The following FAM184B variants were observed in gnomAD, a reference collection of about 807,000 sequenced individuals.
FAM184B encodes family with sequence similarity 184 member B.
In FAM184B, 111 loss-of-function variants were observed where a neutral mutation model predicts 135.9. The ratio of observed to expected loss-of-function variants is 0.82; its 90% CI spans 0.70 to 0.96. The LOEUF (loss-of-function observed/expected upper bound fraction) is 0.96. FAM184B is among the 40% of genes least tolerant of loss of function. FAM184B has a pLI of 0.00. For synonymous variants in FAM184B, 552 were observed against 524.8 expected (o/e 1.05, Z -0.71); for missense variants, 1,375 against 1,323.9 (o/e 1.04, Z -0.60).
chr4:17,730,991 T>C (rs969158370), intron 1 of FAM184B, among the ~76,000 whole-genome samples: 2 of 152,080 alleles, frequency 1.3e-5, no homozygotes, highest in African/African-American at 2.4e-5. Flanking sequence ...GTATCAGTAA[T>C]GGAAGACGAA....
chr4:17,778,863 A>G (rs1718980350), intron 1 of FAM184B, among the ~76,000 whole-genome samples: 2 of 152,212 alleles, frequency 1.3e-5, no homozygotes, highest in Non-Finnish European at 2.9e-5. Flanking sequence ...TGTCTCTTAA[A>G]CAAACGAACA....
rs188743979 is a variant in FAM184B, at chr4:17,650,487, T to C, written c.2191+2343A>G. Among the ~76,000 whole-genome samples, 241 of 152,292 alleles carry C rather than the reference T, an allele frequency of 1.6e-3. 1 individual carries two copies. The highest frequency in any genetic ancestry group is 2.7e-3 in the Non-Finnish European group (183 of 68,026). On this transcript the variant is annotated intron_variant, in intron 11 of 17. Coordinates refer to ENST00000265018, the MANE Select transcript of FAM184B (RefSeq NM_015688.2). ...CCAGGGTCTTTCCAGGGATCTCTCC[T>C]GATTCTTTTCTTTGGGGAAGAATGG...
rs546160769 is a variant in FAM184B, at chr4:17,726,989, T to C, written c.142-17345A>G. Among the ~76,000 whole-genome samples the C allele has an allele frequency of 1.6e-4, 24 of 152,236 alleles. No homozygotes were observed. The South Asian group carries it at 3.7e-3, about 24-fold the overall frequency. ...GGAGAATGGGGTTGACCTGCCTCAA[T>C]CACATGGAATGAAGACTGAGTCAGG... On this transcript the variant is annotated intron_variant, in intron 1 of 17. Transcript: ENST00000265018.
intron 14 of FAM184B, among the ~76,000 whole-genome samples, chr4:17,637,380 G>A (rs1715175727): frequency 6.6e-6 from 1 of 152,216 alleles, no homozygotes. Context: ...GGTGAGGAGA[G>A]GAGGGCTGGG....
chr4:17,734,895 A>G (rs1194393873), intron 1 of FAM184B, among the ~76,000 whole-genome samples: 1 of 152,138 alleles, frequency 6.6e-6, no homozygotes, highest in Admixed American at 6.5e-5. Context: ...TGTTTACTGC[A>G]GCACTATTCA....
At chr4:17,644,875 C>T (rs1292661389) in intron 12 of FAM184B, among the ~76,000 whole-genome samples, 1 of 152,236 alleles carries the variant, frequency 6.6e-6, no homozygotes, top group Non-Finnish European at 1.5e-5. Context: ...TGATAAGCAA[C>T]TTCAGCAAAG....
At chr4:17,773,193 G>C (rs1389538184) in intron 1 of FAM184B, among the ~76,000 whole-genome samples, 2 of 152,130 alleles carry the variant, frequency 1.3e-5, no homozygotes, top group Non-Finnish European at 2.9e-5. Context: ...CTCAATTAGA[G>C]ATGGTTCTTC....
chr4:17,728,617 G>A (rs1327075290), intron 1 of FAM184B, among the ~76,000 whole-genome samples: 3 of 152,190 alleles, frequency 2.0e-5, no homozygotes, highest in Non-Finnish European at 2.9e-5. Context: ...CTAAGGGGCA[G>A]TAGGAAGGAA....
chr4:17,777,193 T>C (rs1416658259), intron 1 of FAM184B, among the ~76,000 whole-genome samples: 1 of 152,204 alleles, frequency 6.6e-6, no homozygotes, highest in East Asian at 1.9e-4. Flanking sequence ...AACGAATTAA[T>C]GATATGTGTT....
intron 2 of FAM184B, among the ~76,000 whole-genome samples, chr4:17,708,404 G>A (rs760184082): frequency 1.3e-4 from 20 of 151,750 alleles, no homozygotes; most frequent in Non-Finnish European, 2.4e-4. Flanking sequence ...CAGCATTTTG[G>A]GAGGCTGAAG....
At chr4:17,659,930 G>A (rs531035943) in intron 9 of FAM184B, 28 bp downstream of exon 9, 6 of 1,548,898 alleles carry the variant, frequency 3.9e-6, no homozygotes, top group East Asian at 2.4e-5. Flanking sequence ...CTCAGGAAGG[G>A]GGCACATCCC....
chr4:17,728,382 G>C (rs909726872), intron 1 of FAM184B, among the ~76,000 whole-genome samples: 3 of 152,040 alleles, frequency 2.0e-5, no homozygotes, highest in Admixed American at 1.3e-4. Context: ...GCGAGACCCT[G>C]TCTCTTAAAA....
intron 7 of FAM184B, among the ~76,000 whole-genome samples, chr4:17,667,183 C>T (rs1280840815): frequency 6.6e-6 from 1 of 151,942 alleles, no homozygotes; most frequent in South Asian, 2.1e-4. Context: ...TGGTCTCAAA[C>T]TCCTGGGCTC....
chr4:17,670,568 C>T (rs1451680565), intron 7 of FAM184B, among the ~76,000 whole-genome samples: 1 of 152,124 alleles, frequency 6.6e-6, no homozygotes, highest in African/African-American at 2.4e-5. Context: ...GGCAGGAGTC[C>T]AGAAAGGGGA....
chr4:17,639,363 G>A lies in FAM184B; in HGVS notation c.2553C>T (p.Ala851=), dbSNP rs1447634853. ...FLEETQQAQR[A]REVETLRQEH... is the part of the protein sequence containing the mutation. The stretch of plus-strand genomic sequence containing the variant: ...CCTGGCGCAGTGTCTCCACCTCCCT[G>A]GCCCGCTGGGCTTGCTGAGTCTCCT... Residue 851 remains alanine (A), a synonymous_variant, in exon 14 of 18, where the codon GCC becomes GCT. Coordinates refer to ENST00000265018, the MANE Select transcript of FAM184B (RefSeq NM_015688.2). The A allele has an allele frequency of 6.4e-7, 1 of 1,551,734 alleles. No individual in the cohort carries two copies. Among genetic ancestry groups the A allele is most frequent in the Non-Finnish European group, 8.7e-7 (1 of 1,147,004 alleles).
intron 1 of FAM184B, among the ~76,000 whole-genome samples, chr4:17,747,007 C>T (rs932684092): frequency 2.7e-5 from 4 of 146,038 alleles, no homozygotes; most frequent in African/African-American, 1.0e-4. Context: ...CACTGCACTC[C>T]ATACTCCAGC....
rs138639745 is a variant in FAM184B, at chr4:17,665,641, G to A, written c.1597-982C>T. Among the ~76,000 whole-genome samples, 488 of 152,270 alleles carry A rather than the reference G, an allele frequency of 3.2e-3. 4 individuals carry two copies. The highest frequency in any genetic ancestry group is 0.011 in the African/African-American group (459 of 41,536). On this transcript the variant is annotated intron_variant, in intron 7 of 17. Coordinates refer to ENST00000265018, the MANE Select transcript of FAM184B (RefSeq NM_015688.2). ...TGGGAGGTGTCTCAGGGGTAGGAAG[G>A]GGCAGAGCTGAGGCTGGAGGGTAGG...
intron 8 of FAM184B, among the ~76,000 whole-genome samples, chr4:17,661,335 G>T (rs1715914101): frequency 6.6e-6 from 1 of 152,132 alleles, no homozygotes. Flanking sequence ...TGGATGACCT[G>T]AGGTCAGGAG....
In FAM184B at chr4:17,658,511, C is replaced by CCTCAA; in HGVS notation, c.1875_1876insTTGAG (p.Asp626LeufsTer32). The stretch of plus-strand genomic sequence containing the variant: ...GAGAGCTGCTTGAGTGCCTGCAGGT[C>CCTCAA]CTCCCTGTAGTTGCTGGTGCACTGC... On this transcript the variant is annotated frameshift_variant, in exon 10 of 18. Transcript: ENST00000265018. LOFTEE classifies it high-confidence loss of function. The CCTCAA allele has an allele frequency of 1.3e-6, 2 of 1,551,536 alleles. No individual in the cohort carries two copies. Among genetic ancestry groups the CCTCAA allele is most frequent in the Non-Finnish European group, 1.7e-6 (2 of 1,146,996 alleles).
Sources: allele counts gnomAD v4.1 joint callset (sites outside exome capture counted in the v4.1 genomes callset), GRCh38; gene constraint gnomAD v4.1.1; transcripts MANE v1.5; gene names NCBI Gene and HGNC (gene_info 2026-07-23, HGNC 2026-07-21).